The following TMPRSS2 variants were observed in gnomAD, a reference collection of about 807,000 sequenced individuals.
TMPRSS2 encodes transmembrane protease serine 2.
TMPRSS2 carries 59 observed loss-of-function variants against 67.4 expected under a neutral mutation model. The observed-to-expected ratio is 0.88, with a 90% CI of 0.71 to 1.09. The LOEUF (loss-of-function observed/expected upper bound fraction) is 1.09. TMPRSS2 is among the 50% of genes least tolerant of loss of function. The pLI, the probability that TMPRSS2 is intolerant of heterozygous loss-of-function variation, is 0.00. For synonymous variants in TMPRSS2, 257 were observed against 257.0 expected, an observed-to-expected ratio of 1.00 and a Z score of 0.00; for missense variants, 668 against 642.7, an observed-to-expected ratio of 1.04 and a Z score of -0.43.
intron 4 of TMPRSS2, among the ~76,000 whole-genome samples, 169 bp from the exon 5 acceptor site, chr21:41,488,682 G>T (rs1453410249): frequency 6.6e-6 from 1 of 152,200 alleles, no homozygotes; most frequent in Non-Finnish European, 1.5e-5. Context: ...CTGTCACCCA[G>T]GCTGGAGTGC....
intron 3 of TMPRSS2, among the ~76,000 whole-genome samples, chr21:41,491,767 T>C (rs542530281): frequency 6.6e-6 from 1 of 152,210 alleles, no homozygotes; most frequent in Non-Finnish European, 1.5e-5. Flanking sequence ...ACCAGGAGAG[T>C]GTGTAAAGCG....
intron 7 of TMPRSS2, among the ~76,000 whole-genome samples, chr21:41,477,254 C>T (rs886548929): frequency 6.6e-6 from 1 of 152,166 alleles, no homozygotes; most frequent in African/African-American, 2.4e-5. Flanking sequence ...TTTCACTGAG[C>T]GTCAATATCG....
At chr21:41,473,297 C>A (rs938935024) in intron 9 of TMPRSS2, 28 bp downstream of exon 9, 4 of 1,552,642 alleles carry the variant, frequency 2.6e-6, no homozygotes, top group African/African-American at 1.4e-5. Context: ...CCTGAGCCCC[C>A]ACCCGGCCCG....
At chr21:41,479,070 G>A (rs748538840) in intron 7 of TMPRSS2, 102 bp downstream of exon 7, 88 of 893,836 alleles carry the variant, frequency 9.8e-5, no homozygotes, top group African/African-American at 2.3e-4. Context: ...CATCCAGACC[G>A]AGTATTGCAG....
Position 41,501,659 on chromosome 21 carries a change from A to G in TMPRSS2, c.-56-3470T>C, listed in dbSNP as rs1219239876. Among the ~76,000 whole-genome samples the G allele has an allele frequency of 6.6e-5, 10 of 151,642 alleles. 1 individual carries two copies. The South Asian group carries it at 1.9e-3, about 28-fold the overall frequency. ...AAAGAAACAACAACAACATTCTCCA[A>G]TTGAAAATAAAACAAGGGGGGGAAT... On this transcript the variant is annotated intron_variant, in intron 1 of 13. Coordinates refer to ENST00000332149, the MANE Select transcript of TMPRSS2 (RefSeq NM_005656.4).
At position 41,472,734 on chromosome 21, in the gene TMPRSS2, C is replaced by T. The variant is rs1269024293; in HGVS notation, c.899+591G>A. On this transcript the variant is annotated intron_variant, in intron 9 of 13. Coordinates refer to ENST00000332149, the MANE Select transcript of TMPRSS2 (RefSeq NM_005656.4). ...GGCCAACAGTCAAACCCAGTTCAGC[C>T]TCTCTCTAAGGCAGAAAAATACATC... Among the ~76,000 whole-genome samples, 5 of 152,220 alleles carry T rather than the reference C, an allele frequency of 3.3e-5. No individual in the cohort carries two copies. In the South Asian group the frequency reaches 8.3e-4, roughly 25 times the overall value.
At chr21:41,490,599 A>G (rs1274805860) in intron 3 of TMPRSS2, among the ~76,000 whole-genome samples, 1 of 152,358 alleles carries the variant, frequency 6.6e-6, no homozygotes, top group East Asian at 1.9e-4. Context: ...ATTTCAGAAA[A>G]AAAACGAATT....
chr21:41,498,041 AC>A (rs2146494467), intron 2 of TMPRSS2, 77 bp downstream of exon 2: 4 of 1,134,268 alleles, frequency 3.5e-6, no homozygotes, highest in Non-Finnish European at 5.2e-6. Flanking sequence ...GCAATTGCTG[AC>A]CCCAAACAAT....
intron 5 of TMPRSS2, among the ~76,000 whole-genome samples, 182 bp from the exon 6 acceptor site, chr21:41,480,784 G>T (rs1188548451): frequency 6.6e-6 from 1 of 152,020 alleles, no homozygotes; most frequent in African/African-American, 2.4e-5. Flanking sequence ...GATTACAGGC[G>T]TCCACCACCC....
chr21:41,507,637 C>G (rs2091467461), intron 1 of TMPRSS2, among the ~76,000 whole-genome samples: 1 of 152,306 alleles, frequency 6.6e-6, no homozygotes, highest in African/African-American at 2.4e-5. Context: ...GAGATTTCCC[C>G]CAAACAAAGA....
Position 41,464,648 on chromosome 21 carries a change from T to C in TMPRSS2, c.*1494A>G, listed in dbSNP as rs948202058. 2 of 233,184 alleles carry C rather than the reference T, an allele frequency of 8.6e-6. No individual in the cohort carries two copies. Among genetic ancestry groups the C allele is most frequent in the Non-Finnish European group, 1.7e-5 (2 of 117,966 alleles). 14.4% of individuals were successfully genotyped at this position (233,184 alleles called of 1,614,324 possible). A position where few individuals can be genotyped will look rare whatever the true frequency, so the allele number is the denominator to read the frequency against. ...AAAGATACAAAAAAAGACAAACAGT[T>C]GTTCACATAAATAAGAAGGGGCAAT... On this transcript the variant is annotated 3_prime_UTR_variant, in exon 14 of 14. Coordinates refer to ENST00000332149, the MANE Select transcript of TMPRSS2 (RefSeq NM_005656.4).
rs923251454 is a variant in TMPRSS2 at position 41,505,585 on chromosome 21, G to A, written c.-57+2496C>T. On this transcript the variant is annotated intron_variant, in intron 1 of 13. Coordinates refer to ENST00000332149, the MANE Select transcript of TMPRSS2 (RefSeq NM_005656.4). ...CCCCTTTCAGAGTTCCAGGCACTCT[G>A]GCCATGTCATACTGCTAGAGGGAGC... Among the ~76,000 whole-genome samples, 3 of 152,192 alleles carry A rather than the reference G, an allele frequency of 2.0e-5. No individual in the cohort carries two copies. The South Asian group carries it at 6.2e-4, about 32-fold the overall frequency.
chr21:41,502,297 G>A lies in TMPRSS2; in HGVS notation c.-56-4108C>T, dbSNP rs547057465. 14 of 821,012 alleles carry A rather than the reference G, an allele frequency of 1.7e-5. No homozygotes were observed. The South Asian group carries it at 5.0e-4, about 29-fold the overall frequency. The allele number at this position is 821,012 out of a possible 1,614,324, so 50.9% of individuals were successfully genotyped here. ...ACTTTCCAAACAACCAAGCCAACGC[G>A]AATGAAGTTAGGCTTGTAGACACTG... On this transcript the variant is annotated intron_variant, in intron 1 of 13. Coordinates refer to ENST00000332149, the MANE Select transcript of TMPRSS2 (RefSeq NM_005656.4).
At chr21:41,493,075 A>G (rs2091351007) in intron 3 of TMPRSS2, among the ~76,000 whole-genome samples, 1 of 152,134 alleles carries the variant, frequency 6.6e-6, no homozygotes, top group Admixed American at 6.5e-5. Flanking sequence ...ACCTAGGAGC[A>G]GCACCCCCTC....
chr21:41,469,322 T>A (rs1018961514), intron 11 of TMPRSS2, among the ~76,000 whole-genome samples: 5 of 152,048 alleles, frequency 3.3e-5, no homozygotes, highest in Non-Finnish European at 5.9e-5. Flanking sequence ...CACTCTGCTA[T>A]GAGCTGGCTT....
chr21:41,466,091 C>T lies in TMPRSS2; in HGVS notation c.*51G>A, dbSNP rs2146416181. ...TAAATCATGCACGGGGAAGCAAAACCAGCCCCATTGTTTTCTTGTAAAACG... is the reference window on the plus strand; with the variant it reads ...TAAATCATGCACGGGGAAGCAAAACTAGCCCCATTGTTTTCTTGTAAAACG... On this transcript the variant is annotated 3_prime_UTR_variant, in exon 14 of 14. Coordinates refer to ENST00000332149, the MANE Select transcript of TMPRSS2 (RefSeq NM_005656.4). The T allele has an allele frequency of 6.2e-7, 1 of 1,611,108 alleles. No individual in the cohort carries two copies.
chr21:41,480,480 A>G lies in TMPRSS2; in HGVS notation c.568T>C (p.Tyr190His). 6.2e-7 allele frequency: 1 copy of G among 1,613,502 alleles called. No individual in the cohort carries two copies. Among genetic ancestry groups the G allele is most frequent in the East Asian group, 2.2e-5 (1 of 44,874 alleles). The stretch of plus-strand genomic sequence containing the variant: ...CGGGTGCTGCCCCATACTCACTTAT[A>G]GCCCATGTCCCTGCAGGCCGCCCGC... Reference protein sequence around the residue: ...YGRAACRDMGYKNNFYSSQGI... With the variant: ...YGRAACRDMGHKNNFYSSQGI... The change falls in exon 6 of 14, where the codon TAT becomes CAT. Residue 190 changes from tyrosine (Y) to histidine (H), a missense_variant. Coordinates refer to ENST00000332149, the MANE Select transcript of TMPRSS2 (RefSeq NM_005656.4).
intron 2 of TMPRSS2, among the ~76,000 whole-genome samples, chr21:41,497,845 C>T (rs148901354): frequency 1.4e-3 from 207 of 152,338 alleles, no homozygotes; most frequent in Middle Eastern, 0.01. Flanking sequence ...CTTGTCCCTG[C>T]CCCCTGCCCT....
At chr21:41,475,845 C>T (rs368962938) in intron 8 of TMPRSS2, among the ~76,000 whole-genome samples, 29 of 151,776 alleles carry the variant, frequency 1.9e-4, no homozygotes, top group African/African-American at 6.3e-4. Flanking sequence ...GCGGGTGCCA[C>T]GCACCCTTGG....
Sources: gnomAD v4.1 joint callset for allele counts (sites outside exome capture counted in the v4.1 genomes callset) on GRCh38, gnomAD v4.1.1 for gene constraint, MANE v1.5 for transcripts, NCBI Gene and HGNC (gene_info 2026-07-23, HGNC 2026-07-21) for gene names.